The following ATP11A variants were observed in gnomAD, a reference collection of about 807,000 sequenced individuals.
ATP11A encodes phospholipid-transporting ATPase IH.
A neutral mutation model predicts 154.4 loss-of-function variants in ATP11A; 81 were observed. The ratio of observed to expected loss-of-function variants is 0.52; its 90% confidence interval spans 0.44 to 0.63. The LOEUF is 0.63. ATP11A is among the 30% of genes least tolerant of loss of function. ATP11A has a pLI of 0.00. For synonymous variants in ATP11A, 623 were observed against 585.9 expected (o/e 1.06, Z -0.91); for missense variants, 1,316 against 1,474.3 (o/e 0.89, Z 1.76).
intron 1 of ATP11A, among the ~76,000 whole-genome samples, chr13:112,734,732 A>G (rs920646119): frequency 2.0e-5 from 3 of 152,146 alleles, no homozygotes; most frequent in African/African-American, 7.2e-5. Flanking sequence ...ACACCACAAA[A>G]CTATCCTATA....
chr13:112,870,830 G>A (rs576463900), intron 25 of ATP11A, among the ~76,000 whole-genome samples: 6 of 151,662 alleles, frequency 4.0e-5, no homozygotes, highest in South Asian at 2.1e-4. Context: ...TCCCCAAGGC[G>A]GGGGGTGGTC....
chr13:112,838,967 A>C lies in ATP11A; in HGVS notation c.1705+2716A>C, dbSNP rs181469255. Among the ~76,000 whole-genome samples, 1,356 of 152,252 alleles carry C rather than the reference A, an allele frequency of 8.9e-3. 24 individuals carry two copies. Among genetic ancestry groups the C allele is most frequent in the African/African-American group, 0.03 (1,256 of 41,560 alleles). ...TGTTTCCTCCTGGGCTCAGCCCTGT[A>C]GGGGGTTGCGGCTGTCAGAGCCGGA... On this transcript the variant is annotated intron_variant, in intron 16 of 29. Transcript: ENST00000375645. The surrounding 1 kb of genome is among the most constrained non-coding windows in gnomAD (Gnocchi z 7.3).
At chr13:112,860,664 CTG>C (rs2080074534) in intron 24 of ATP11A, 1 of 397,744 alleles carries the variant, frequency 2.5e-6, no homozygotes, top group Non-Finnish European at 4.6e-6. Flanking sequence ...TTGCACTTTC[CTG>C]TGCTTTCTGA....
At chr13:112,861,143 C>T (rs2080091688) in intron 24 of ATP11A, among the ~76,000 whole-genome samples, 3 of 152,138 alleles carry the variant, frequency 2.0e-5, no homozygotes, top group African/African-American at 7.2e-5. Context: ...CATCAGATAT[C>T]GTGAGACTTA....
At chr13:112,794,607 C>G (rs901423937) in intron 2 of ATP11A, among the ~76,000 whole-genome samples, 3 of 152,244 alleles carry the variant, frequency 2.0e-5, no homozygotes, top group African/African-American at 7.2e-5. Flanking sequence ...CAGTGGCTCA[C>G]ACCTGTAATC....
At chr13:112,712,104 C>T (rs1054664875) in intron 1 of ATP11A, among the ~76,000 whole-genome samples, 2 of 152,224 alleles carry the variant, frequency 1.3e-5, no homozygotes, top group East Asian at 1.9e-4. Flanking sequence ...GTGCCTCCTT[C>T]GCATGTTGGC....
At chr13:112,800,023 G>T (rs1332399367) in intron 2 of ATP11A, among the ~76,000 whole-genome samples, 1 of 152,148 alleles carries the variant, frequency 6.6e-6, no homozygotes, top group Non-Finnish European at 1.5e-5. Context: ...CTTGTGGGAT[G>T]CAGGAAAAGC....
At chr13:112,864,345 G>C (rs1359214223) in intron 25 of ATP11A, among the ~76,000 whole-genome samples, 29 of 25,164 alleles carry the variant, frequency 1.2e-3, no homozygotes, top group South Asian at 2.4e-3. Context: ...TTCAGTGCAG[G>C]CCATGCAGCT....
intron 1 of ATP11A, among the ~76,000 whole-genome samples, chr13:112,755,386 C>T (rs550404076): frequency 6.6e-6 from 1 of 152,182 alleles, no homozygotes; most frequent in African/African-American, 2.4e-5. Context: ...ACCGGTTTTC[C>T]GCTTCTTGTC....
chr13:112,702,154 TG>T (rs1456545915), intron 1 of ATP11A, among the ~76,000 whole-genome samples: 4 of 151,796 alleles, frequency 2.6e-5, no homozygotes, highest in Non-Finnish European at 5.9e-5. Context: ...GAGATCAGCC[TG>T]GCCAATGTGG....
At chr13:112,878,384 C>G in intron 29 of ATP11A, 81 bp downstream of exon 29, 1 of 1,490,464 alleles carries the variant, frequency 6.7e-7, no homozygotes, top group East Asian at 2.3e-5. Flanking sequence ...AGCCCTGAGT[C>G]CACGTGCTCT....
intron 11 of ATP11A, 97 bp from the exon 12 acceptor site, chr13:112,826,597 T>C: frequency 2.0e-6 from 2 of 993,680 alleles, no homozygotes; most frequent in Non-Finnish European, 3.2e-6. Flanking sequence ...GTAGCGCTCG[T>C]ATAACTTATG....
intron 2 of ATP11A, among the ~76,000 whole-genome samples, chr13:112,801,991 C>G (rs2078146051): frequency 6.6e-6 from 1 of 152,168 alleles, no homozygotes; most frequent in Admixed American, 6.5e-5. Context: ...TGACACTAGC[C>G]CACTTTAGGA....
At chr13:112,735,941 G>A (rs186344329) in intron 1 of ATP11A, among the ~76,000 whole-genome samples, 1 of 152,126 alleles carries the variant, frequency 6.6e-6, no homozygotes, top group African/African-American at 2.4e-5. Flanking sequence ...CTCTGCTGCC[G>A]GGCCACCTCC....
chr13:112,779,080 C>G (rs116886736), intron 1 of ATP11A, among the ~76,000 whole-genome samples: 3,667 of 122,188 alleles, frequency 0.03, 155 homozygotes, highest in East Asian at 0.13. Context: ...GGAGTAGCCC[C>G]TGGAGTGAGG....
chr13:112,843,454 C>T (rs1468441366), intron 17 of ATP11A, among the ~76,000 whole-genome samples: 1 of 152,224 alleles, frequency 6.6e-6, no homozygotes, highest in Non-Finnish European at 1.5e-5. Flanking sequence ...AGCACCTCCT[C>T]TCACACCGAC....
At chr13:112,764,180 C>A (rs2077022991) in intron 1 of ATP11A, among the ~76,000 whole-genome samples, 1 of 152,156 alleles carries the variant, frequency 6.6e-6, no homozygotes, top group African/African-American at 2.4e-5. Context: ...GTGATGGAAC[C>A]CTGACCCTAG....
chr13:112,709,571 C>T (rs934662376), intron 1 of ATP11A, among the ~76,000 whole-genome samples: 2 of 152,198 alleles, frequency 1.3e-5, no homozygotes, highest in Non-Finnish European at 2.9e-5. Context: ...AATCCTTTAT[C>T]TTAACCTGAA....
intron 1 of ATP11A, among the ~76,000 whole-genome samples, chr13:112,729,405 C>G (rs1890243822): frequency 6.6e-6 from 1 of 151,188 alleles, no homozygotes; most frequent in African/African-American, 2.5e-5. Flanking sequence ...TCTAACGCGT[C>G]CGAGTGCGAA....
Sources: gnomAD v4.1 joint callset for allele counts (sites outside exome capture counted in the v4.1 genomes callset) on GRCh38, gnomAD v4.1.1 for gene constraint, Gnocchi (gnomAD v3.1) non-coding constraint, MANE v1.5 for transcripts, NCBI Gene and HGNC (gene_info 2026-07-23, HGNC 2026-07-21) for gene names.